Variants in TENM4 observed in about 807,000 individuals in gnomAD.
TENM4 encodes the protein teneurin-4.
TENM4 carries 82 observed loss-of-function variants against 243.3 expected under a neutral mutation model. The ratio of observed to expected loss-of-function variants is 0.34; its 90% CI spans 0.28 to 0.40. The LOEUF (loss-of-function observed/expected upper bound fraction) is 0.40. TENM4 is among the 10% of genes least tolerant of loss of function. TENM4 has a pLI of 1.00. For missense variants in TENM4, 3,138 were observed against 3,673.3 expected, an observed-to-expected ratio of 0.85 and a Z score of 3.77; for synonymous variants, 1,412 against 1,456.3, an observed-to-expected ratio of 0.97 and a Z score of 0.69.
intron 6 of TENM4, among the ~76,000 whole-genome samples, chr11:79,030,940 A>G (rs1485385373): frequency 6.6e-6 from 1 of 152,158 alleles, no homozygotes; most frequent in Non-Finnish European, 1.5e-5. Flanking sequence ...CAAAAAGAGG[A>G]GCGAGACAGA....
At chr11:78,922,034 G>A (rs896278263) in intron 6 of TENM4, among the ~76,000 whole-genome samples, 6 of 152,208 alleles carry the variant, frequency 3.9e-5, no homozygotes, top group Admixed American at 1.3e-4. Context: ...CACCCAGGCT[G>A]TATATTGAAT....
intron 6 of TENM4, among the ~76,000 whole-genome samples, chr11:78,969,483 A>G (rs140839205): frequency 8.5e-5 from 13 of 152,364 alleles, no homozygotes; most frequent in Non-Finnish European, 1.3e-4. Flanking sequence ...TTTGGAATAT[A>G]CCACGAGACT....
In TENM4 at chr11:79,152,657, A is replaced by G. The variant is rs568716921; in HGVS notation, c.-162-3851T>C. 6.6e-5 allele frequency among the ~76,000 whole-genome samples: 10 copies of G among 152,346 alleles called. No individual in the cohort carries two copies. In the South Asian group the frequency reaches 1.9e-3, roughly 28 times the overall value. On this transcript the variant is annotated intron_variant, in intron 3 of 33. Transcript: ENST00000278550. ...AAACAAGGGGCTGGGAGCCAGCTGC[A>G]TTCCTCCAACCCCTTCCAATGCCAC...
intron 4 of TENM4, among the ~76,000 whole-genome samples, chr11:79,102,765 G>A (rs948479711): frequency 1.3e-5 from 2 of 152,242 alleles, no homozygotes; most frequent in Admixed American, 1.3e-4. Context: ...TGTCCATGTG[G>A]CCAGCTAGCC....
chr11:79,081,494 G>A (rs557078455), intron 4 of TENM4, among the ~76,000 whole-genome samples: 1 of 151,704 alleles, frequency 6.6e-6, no homozygotes, highest in South Asian at 2.1e-4. Flanking sequence ...CAGCTGGGAG[G>A]ACAGCAGGGA....
chr11:78,724,971 G>T (rs1361622978), intron 23 of TENM4, among the ~76,000 whole-genome samples: 4 of 152,218 alleles, frequency 2.6e-5, no homozygotes, highest in Non-Finnish European at 4.4e-5. Flanking sequence ...TGCAGCCCTG[G>T]ATTATCTACC....
chr11:78,877,375 G>T (rs1178286573), intron 9 of TENM4, among the ~76,000 whole-genome samples: 5 of 152,158 alleles, frequency 3.3e-5, no homozygotes, highest in Admixed American at 3.3e-4. Context: ...TTCTCCTCCA[G>T]TTAGGTATTT....
In TENM4 at chr11:79,238,577, C is replaced by T. The variant is rs113451219; in HGVS notation, c.-264-22668G>A. On this transcript the variant is annotated intron_variant, in intron 2 of 33. Transcript: ENST00000278550. ...CCTTAGGGTTTGGGCCAGAACTACA[C>T]CACTGGCTTTCCTGGGCCTCCTGGA... Among the ~76,000 whole-genome samples the T allele has an allele frequency of 6.6e-3, 1,007 of 152,238 alleles. 9 individuals carry two copies. Among genetic ancestry groups the T allele is most frequent in the African/African-American group, 0.023 (935 of 41,538 alleles).
intron 3 of TENM4, among the ~76,000 whole-genome samples, chr11:79,190,278 TTA>T (rs1863453987): frequency 6.6e-6 from 1 of 152,170 alleles, no homozygotes; most frequent in African/African-American, 2.4e-5. Flanking sequence ...GGCACTGTGT[TTA>T]TGTCTCAAGT....
chr11:79,005,328 G>A (rs1461839521), intron 6 of TENM4, among the ~76,000 whole-genome samples: 4 of 152,130 alleles, frequency 2.6e-5, no homozygotes, highest in Admixed American at 2.6e-4. Context: ...CAATATCCTT[G>A]ATCAATATAG....
chr11:79,254,021 G>T (rs969654050), intron 2 of TENM4, among the ~76,000 whole-genome samples: 4 of 152,198 alleles, frequency 2.6e-5, no homozygotes, highest in Admixed American at 1.3e-4. Context: ...AAATGGAAAA[G>T]CTTGATAATT....
At chr11:79,321,814 T>G (rs564781401) in intron 1 of TENM4, among the ~76,000 whole-genome samples, 1 of 152,174 alleles carries the variant, frequency 6.6e-6, no homozygotes, top group South Asian at 2.1e-4. Flanking sequence ...GACAAAAGCT[T>G]GAGGTATCAG....
intron 6 of TENM4, among the ~76,000 whole-genome samples, chr11:78,944,209 G>T (rs796651706): frequency 1.4e-4 from 21 of 152,238 alleles, no homozygotes; most frequent in African/African-American, 4.6e-4. Flanking sequence ...GGTGACTCCA[G>T]TGAAAATGCT....
intron 4 of TENM4, among the ~76,000 whole-genome samples, chr11:79,122,857 A>G (rs763645645): frequency 6.6e-6 from 1 of 152,234 alleles, no homozygotes; most frequent in Non-Finnish European, 1.5e-5. Flanking sequence ...AGGCAGAGGT[A>G]TTTCTGGAAA....
intron 6 of TENM4, among the ~76,000 whole-genome samples, chr11:78,973,353 T>G (rs2136586477): frequency 6.6e-6 from 1 of 152,372 alleles, no homozygotes; most frequent in South Asian, 2.1e-4. Flanking sequence ...TATCTGACTT[T>G]TTTATTCCAG....
intron 1 of TENM4, among the ~76,000 whole-genome samples, chr11:79,358,511 T>C (rs937585799): frequency 6.6e-6 from 1 of 152,182 alleles, no homozygotes; most frequent in Non-Finnish European, 1.5e-5. Flanking sequence ...ACTGTATGCA[T>C]AGCGTGATCA....
At chr11:79,201,577 A>G (rs568957119) in intron 3 of TENM4, among the ~76,000 whole-genome samples, 1 of 152,326 alleles carries the variant, frequency 6.6e-6, no homozygotes, top group East Asian at 1.9e-4. Flanking sequence ...ACCATAAGTC[A>G]GAAGCTCTGT....
At chr11:78,892,440 G>A (rs1453251044) in intron 7 of TENM4, among the ~76,000 whole-genome samples, 1 of 152,190 alleles carries the variant, frequency 6.6e-6, no homozygotes, top group Admixed American at 6.5e-5. Context: ...AGGTCTTAGA[G>A]CCAGCATTCC....
At chr11:78,945,222 C>T (rs1369739885) in intron 6 of TENM4, among the ~76,000 whole-genome samples, 1 of 152,192 alleles carries the variant, frequency 6.6e-6, no homozygotes, top group African/African-American at 2.4e-5. Flanking sequence ...CCATTGGTGC[C>T]ATTTTTCCAA....
Sources: gnomAD v4.1 joint callset for allele counts (sites outside exome capture counted in the v4.1 genomes callset) on GRCh38, gnomAD v4.1.1 for gene constraint, MANE v1.5 for transcripts, NCBI Gene and HGNC (gene_info 2026-07-23, HGNC 2026-07-21) for gene names.